PIK3R4: variants seen among roughly 807,000 people sequenced by gnomAD.
PIK3R4 encodes phosphoinositide-3-kinase regulatory subunit 4, also known as phosphoinositide 3-kinase regulatory subunit 4.
PIK3R4 carries 46 observed loss-of-function variants against 136.5 expected under a neutral mutation model. That is an observed-to-expected ratio of 0.34 (90% CI 0.27 to 0.43). The LOEUF is 0.43. PIK3R4 is among the 20% of genes least tolerant of loss of function. The pLI is 1.00. For missense variants in PIK3R4, 1,331 were observed against 1,649.5 expected, an observed-to-expected ratio of 0.81 and a Z score of 3.35; for synonymous variants, 557 against 566.7, an observed-to-expected ratio of 0.98 and a Z score of 0.24.
At position 130,716,615 on chromosome 3, in the gene PIK3R4, A is replaced by G. The variant is rs751893101; in HGVS notation, c.2128-16T>C. 6.4e-7 allele frequency: 1 copy of G among 1,553,154 alleles called. No homozygotes were observed. Among genetic ancestry groups the G allele is most frequent in the Non-Finnish European group, 8.8e-7 (1 of 1,135,768 alleles). ...TTCTTTCAATCTATATTGGAAAAATAAAAAGGATCAGCCAAAAATATAACA... is the reference window on the plus strand; with the variant it reads ...TTCTTTCAATCTATATTGGAAAAATGAAAAGGATCAGCCAAAAATATAACA... On this transcript the variant is annotated splice_polypyrimidine_tract_variant and intron_variant, in intron 8 of 19. Coordinates refer to ENST00000356763, the MANE Select transcript of PIK3R4 (RefSeq NM_014602.3).
intron 19 of PIK3R4, among the ~76,000 whole-genome samples, chr3:130,679,923 A>G (rs888013106): frequency 6.6e-6 from 1 of 152,094 alleles, no homozygotes; most frequent in Non-Finnish European, 1.5e-5. Flanking sequence ...TAAAAATACA[A>G]AAATTAGCAG....
chr3:130,691,867 G>GTTTTTTT (rs757678674), intron 13 of PIK3R4, among the ~76,000 whole-genome samples: 7 of 100,826 alleles, frequency 6.9e-5, no homozygotes, highest in Admixed American at 2.1e-4. Context: ...TCTCTCTCTA[G>GTTTTTTT]TTTTTTTTTT....
chr3:130,720,356 T>G, intron 7 of PIK3R4, among the ~76,000 whole-genome samples: 1 of 152,124 alleles, frequency 6.6e-6, no homozygotes, highest in South Asian at 2.1e-4. Context: ...CTGCCAAGCC[T>G]GGCTAATTTT....
At chr3:130,703,697 C>G in intron 13 of PIK3R4, 26 bp downstream of exon 13, 1 of 1,538,938 alleles carries the variant, frequency 6.5e-7, no homozygotes, top group South Asian at 1.1e-5. Flanking sequence ...AATTAATGAA[C>G]TGATTCATTC....
At chr3:130,699,074 T>G (rs2066562132) in intron 13 of PIK3R4, among the ~76,000 whole-genome samples, 1 of 152,174 alleles carries the variant, frequency 6.6e-6, no homozygotes, top group Admixed American at 6.5e-5. Flanking sequence ...TTCAGTTTCT[T>G]CCTGGGTATG....
intron 1 of PIK3R4, among the ~76,000 whole-genome samples, chr3:130,746,102 C>T (rs2066851958): frequency 1.3e-5 from 2 of 152,084 alleles, no homozygotes; most frequent in African/African-American, 4.8e-5. Context: ...AACTCCTGGA[C>T]ACTTCCTGCC....
chr3:130,692,727 C>G (rs945203898), intron 13 of PIK3R4, among the ~76,000 whole-genome samples: 1 of 152,096 alleles, frequency 6.6e-6, no homozygotes, highest in Non-Finnish European at 1.5e-5. Context: ...CCACAGGGGC[C>G]CAATCAGTAC....
rs745910702 is a variant in PIK3R4, at chr3:130,716,544, A to G, written c.2183T>C (p.Ile728Thr). 1 of 1,614,026 alleles carries G rather than the reference A, an allele frequency of 6.2e-7. No individual in the cohort carries two copies. Among genetic ancestry groups the G allele is most frequent in the Non-Finnish European group, 8.5e-7 (1 of 1,179,858 alleles). The change falls in exon 9 of 20, where the codon ATA becomes ACA. Residue 728 changes from isoleucine to threonine, a missense_variant. By Grantham distance (89) the Ile-to-Thr change is moderately conservative. Around this residue, in one of 2 missense-constraint regions of PIK3R4, gnomAD observed 1,180 missense variants for 1,407.0 expected, o/e 0.84. Coordinates refer to ENST00000356763, the MANE Select transcript of PIK3R4 (RefSeq NM_014602.3). The part of the protein sequence containing the change: ...SVLKEPVSRS[I>T]FDYALRSKDI... ...TTTAGACCTCAAAGCATAATCAAATATAGAACGACTTACTGGTTCCTTTAA... is the reference window on the plus strand; with the variant it reads ...TTTAGACCTCAAAGCATAATCAAATGTAGAACGACTTACTGGTTCCTTTAA...
intron 15 of PIK3R4, 28 bp from the exon 16 acceptor site, chr3:130,684,409 C>T (rs55848286): frequency 1.2e-6 from 2 of 1,600,798 alleles, no homozygotes; most frequent in African/African-American, 2.7e-5. Context: ...AAAAAGATTA[C>T]CATCTAATGA....
chr3:130,730,096 T>C (rs185127233), intron 5 of PIK3R4, among the ~76,000 whole-genome samples: 1 of 152,310 alleles, frequency 6.6e-6, no homozygotes, highest in African/African-American at 2.4e-5. Context: ...AACAATTGAC[T>C]TTAGTATCCA....
At position 130,680,997 on chromosome 3, in the gene PIK3R4, A is replaced by C. The variant is rs961057931; in HGVS notation, c.3777T>G (p.Ala1259=). 6.4e-7 allele frequency: 1 copy of C among 1,562,310 alleles called. No homozygotes were observed. Among genetic ancestry groups the C allele is most frequent in the African/African-American group, 1.4e-5 (1 of 73,320 alleles). The change falls in exon 18 of 20, where the codon GCT becomes GCG. Residue 1259 remains alanine (A), a synonymous_variant. Coordinates refer to ENST00000356763, the MANE Select transcript of PIK3R4 (RefSeq NM_014602.3). ...PADGNPILLT[A]GSDMKIRFWD... ...TGTACCTTATTTTCATATCTGAGCC[A>C]GCTGTTAGTAGGATAGGATTTCCAT...
intron 9 of PIK3R4, among the ~76,000 whole-genome samples, chr3:130,714,054 T>C (rs2066647319): frequency 6.6e-6 from 1 of 152,162 alleles, no homozygotes; most frequent in African/African-American, 2.4e-5. Flanking sequence ...AAGAAACACT[T>C]AGATTGAGAT....
intron 5 of PIK3R4, among the ~76,000 whole-genome samples, chr3:130,729,532 A>C (rs541456649): frequency 1.3e-5 from 2 of 152,146 alleles, no homozygotes; most frequent in East Asian, 3.9e-4. Context: ...GTCCAATTAC[A>C]TGGTTATAGG....
chr3:130,691,865 T>C (rs1374069266), intron 13 of PIK3R4, among the ~76,000 whole-genome samples: 1 of 148,048 alleles, frequency 6.8e-6, no homozygotes, highest in African/African-American at 2.5e-5. Flanking sequence ...TATCTCTCTC[T>C]AGTTTTTTTT....
intron 13 of PIK3R4, among the ~76,000 whole-genome samples, 145 bp downstream of exon 13, chr3:130,703,556 TGTCTCTCACTTTCCACTAGAAG>T (rs2066590981): frequency 6.6e-6 from 1 of 152,216 alleles, no homozygotes; most frequent in Admixed American, 6.5e-5. Flanking sequence ...ATACTTTCAT[TGTCTCTCACTTTCCACTAGAAG>T]GTAAACTCCA....
In PIK3R4 at chr3:130,690,637, CTGTA is replaced by C; in HGVS notation, c.3112_3115del (p.Tyr1038AlafsTer19). The C allele has an allele frequency of 6.2e-7, 1 of 1,606,910 alleles. No homozygotes were observed. The highest frequency in any genetic ancestry group is 8.5e-7 in the Non-Finnish European group (1 of 1,174,512). ...CGTCTTGACTCGTCCTCCAATTCGG[CTGTA>C]TGTAAGAATAGATCTGAATGAAAGA... On this transcript the variant is annotated frameshift_variant, in exon 14 of 20. Transcript: ENST00000356763. LOFTEE classifies it high-confidence loss of function.
chr3:130,698,746 T>C (rs913399231), intron 13 of PIK3R4, among the ~76,000 whole-genome samples: 6 of 152,218 alleles, frequency 3.9e-5, no homozygotes, highest in African/African-American at 1.4e-4. Context: ...AAACTGTGCA[T>C]TCAAAATTAA....
At chr3:130,737,516 C>T (rs542761363) in intron 2 of PIK3R4, among the ~76,000 whole-genome samples, 1 of 151,964 alleles carries the variant, frequency 6.6e-6, no homozygotes, top group Non-Finnish European at 1.5e-5. Context: ...AAAAAATAGC[C>T]GGGTGTGGTG....
At chr3:130,712,534 G>A (rs1282202785) in intron 9 of PIK3R4, among the ~76,000 whole-genome samples, 2 of 152,026 alleles carry the variant, frequency 1.3e-5, no homozygotes, top group Admixed American at 1.3e-4. Flanking sequence ...CAGGCCTGGT[G>A]GTGCATGCCG....
Sources: allele counts gnomAD v4.1 joint callset (sites outside exome capture counted in the v4.1 genomes callset), GRCh38; gene constraint gnomAD v4.1.1; regional missense constraint gnomAD v4.1.1; transcripts MANE v1.5; gene names NCBI Gene and HGNC (gene_info 2026-07-23, HGNC 2026-07-21).